The following PPP2R2B variants were observed in gnomAD, a reference collection of about 807,000 sequenced individuals.
PPP2R2B encodes serine/threonine-protein phosphatase 2A 55 kDa regulatory subunit B beta isoform.
A neutral mutation model predicts 46.0 loss-of-function variants in PPP2R2B; 5 were observed. The observed-to-expected ratio is 0.11, with a 90% CI of 0.06 to 0.23. The LOEUF (loss-of-function observed/expected upper bound fraction) is 0.23. Among genes scored for constraint, PPP2R2B ranks in the 10% least tolerant of loss-of-function variants. PPP2R2B has a pLI of 1.00. For missense variants in PPP2R2B, 367 were observed against 575.0 expected (o/e 0.64, Z 3.70); for synonymous variants, 215 against 206.7 (o/e 1.04, Z -0.34).
intron 1 of PPP2R2B, among the ~76,000 whole-genome samples, chr5:147,038,646 T>C (rs1175595725): frequency 6.6e-6 from 1 of 152,232 alleles, no homozygotes; most frequent in Non-Finnish European, 1.5e-5. Flanking sequence ...TTTTGGATAC[T>C]TTCCCTATGC....
chr5:146,964,287 G>GA (rs1280132819), intron 1 of PPP2R2B, among the ~76,000 whole-genome samples: 2 of 151,996 alleles, frequency 1.3e-5, no homozygotes, highest in Non-Finnish European at 2.9e-5. Flanking sequence ...AGAAAAAAAT[G>GA]AAAAAACAGT....
intron 5 of PPP2R2B, among the ~76,000 whole-genome samples, chr5:146,655,432 C>T (rs1411733969): frequency 6.6e-6 from 1 of 151,296 alleles, no homozygotes; most frequent in Admixed American, 6.5e-5. Flanking sequence ...GACCATCCCA[C>T]CTCAAATCGC....
intron 1 of PPP2R2B, among the ~76,000 whole-genome samples, chr5:146,977,490 A>G (rs886484365): frequency 1.1e-4 from 16 of 151,996 alleles, no homozygotes; most frequent in African/African-American, 3.9e-4. Flanking sequence ...CCCATCATCT[A>G]CATTAGGTAT....
At chr5:146,693,541 T>C (rs1359066561) in intron 4 of PPP2R2B, among the ~76,000 whole-genome samples, 1 of 152,078 alleles carries the variant, frequency 6.6e-6, no homozygotes, top group Non-Finnish European at 1.5e-5. Flanking sequence ...AAGCAACAAA[T>C]AGGATTGCCA....
chr5:146,628,129 G>C (rs900380853), intron 7 of PPP2R2B, among the ~76,000 whole-genome samples: 6 of 152,066 alleles, frequency 3.9e-5, no homozygotes, highest in Non-Finnish European at 7.4e-5. Flanking sequence ...ATTTTTAGTA[G>C]AGACAGGGTT....
At chr5:146,982,381 T>C (rs1161127491) in intron 1 of PPP2R2B, among the ~76,000 whole-genome samples, 2 of 152,206 alleles carry the variant, frequency 1.3e-5, no homozygotes, top group South Asian at 2.1e-4. Flanking sequence ...TGATTTCTAA[T>C]GTAACTCCAT....
At chr5:146,656,891 C>G (rs749813802) in intron 5 of PPP2R2B, among the ~76,000 whole-genome samples, 5 of 152,194 alleles carry the variant, frequency 3.3e-5, no homozygotes, top group Admixed American at 1.3e-4. Context: ...TCTCTGCTCA[C>G]CCGCTTTGAG....
chr5:146,763,721 G>A (rs1219536466), intron 2 of PPP2R2B, among the ~76,000 whole-genome samples: 2 of 152,130 alleles, frequency 1.3e-5, no homozygotes, highest in African/African-American at 4.8e-5. Context: ...CCAAAAATGA[G>A]TTAAGACAAG....
chr5:147,002,414 A>G (rs546798322), intron 1 of PPP2R2B, among the ~76,000 whole-genome samples: 71 of 152,282 alleles, frequency 4.7e-4, no homozygotes, highest in Admixed American at 1.4e-3. Context: ...GATCCCTTCC[A>G]TCCCACAGGG....
At chr5:146,808,468 T>C (rs1325278478) in intron 2 of PPP2R2B, among the ~76,000 whole-genome samples, 1 of 152,180 alleles carries the variant, frequency 6.6e-6, no homozygotes, top group African/African-American at 2.4e-5. Flanking sequence ...TACTGTTAAA[T>C]GCACACATTT....
At chr5:147,035,022 CA>C in intron 1 of PPP2R2B, 5 of 441,842 alleles carry the variant, frequency 1.1e-5, no homozygotes, top group South Asian at 8.0e-5. Flanking sequence ...TCATGACAGC[CA>C]GATAAAACTT....
intron 2 of PPP2R2B, among the ~76,000 whole-genome samples, chr5:146,815,267 A>T (rs1380243508): frequency 6.6e-6 from 1 of 152,178 alleles, no homozygotes; most frequent in Non-Finnish European, 1.5e-5. Flanking sequence ...TGTTAACATC[A>T]TCACTGGTCT....
intron 1 of PPP2R2B, among the ~76,000 whole-genome samples, chr5:146,894,997 A>G (rs573327056): frequency 1.1e-4 from 16 of 152,330 alleles, no homozygotes; most frequent in Non-Finnish European, 2.2e-4. Flanking sequence ...GAATGCCTGA[A>G]TGAATCAAAT....
At chr5:147,081,262 A>G (rs1367640888) in exon 1 of PPP2R2B, 8 of 1,535,568 alleles carry the variant, frequency 5.2e-6, no homozygotes, top group Non-Finnish European at 7.0e-6. Flanking sequence ...CACACCAGGT[A>G]TCATCTCGTC....
rs73320028 is a variant in PPP2R2B at position 146,699,649 on chromosome 5, C to T, written c.168+1396G>A. ...CTCCGGTTCCTCTTTATCATCACTG[C>T]GAACTTAATTGGTTTTTTTTTTTTT... On this transcript the variant is annotated intron_variant, in intron 3 of 9. Coordinates refer to ENST00000394411, the MANE Select transcript of PPP2R2B (RefSeq NM_181675.4). 2.7e-3 allele frequency among the ~76,000 whole-genome samples: 376 copies of T among 140,822 alleles called. 4 individuals are homozygous for T. The highest frequency in any genetic ancestry group is 9.5e-3 in the African/African-American group (353 of 37,264). The allele number at this position is 140,822 out of a possible 152,430, so 92.4% of individuals were successfully genotyped here. A position where few individuals can be genotyped will look rare whatever the true frequency, so the allele number is the denominator to read the frequency against.
At chr5:146,755,418 T>C (rs904507623) in intron 2 of PPP2R2B, among the ~76,000 whole-genome samples, 1 of 152,238 alleles carries the variant, frequency 6.6e-6, no homozygotes, top group African/African-American at 2.4e-5. Context: ...AGCGGAGCTC[T>C]CCAACCTACT....
At chr5:146,945,832 C>T (rs751705739) in intron 1 of PPP2R2B, among the ~76,000 whole-genome samples, 1 of 152,108 alleles carries the variant, frequency 6.6e-6, no homozygotes, top group Non-Finnish European at 1.5e-5. Flanking sequence ...GCAAGAAGAA[C>T]CATTGTTTCC....
Position 146,588,230 on chromosome 5 carries a change from A to C in PPP2R2B, c.*1717T>G, listed in dbSNP as rs1005070939. The stretch of plus-strand genomic sequence containing the variant: ...CCATGCTCCCTCAATTCTGAGACGT[A>C]CTTTTTTACATTTTAATGTTCCTGA... On this transcript the variant is annotated 3_prime_UTR_variant, in exon 10 of 10. Transcript: ENST00000394411. 12 of 152,210 alleles carry C rather than the reference A, an allele frequency of 7.9e-5. No individual in the cohort carries two copies. The highest frequency in any genetic ancestry group is 2.9e-4 in the African/African-American group (12 of 41,454). The allele number at this position is 152,210 out of a possible 1,614,324, so 9.4% of individuals were successfully genotyped here. A position where few individuals can be genotyped will look rare whatever the true frequency, so the allele number is the denominator to read the frequency against.
intron 1 of PPP2R2B, among the ~76,000 whole-genome samples, chr5:147,039,515 A>C (rs1756196473): frequency 6.6e-6 from 1 of 152,152 alleles, no homozygotes; most frequent in Admixed American, 6.6e-5. Flanking sequence ...ATTAGAGTAC[A>C]AGATGGGAAA....
Sources: allele counts gnomAD v4.1 joint callset (sites outside exome capture counted in the v4.1 genomes callset), GRCh38; gene constraint gnomAD v4.1.1; transcripts MANE v1.5; gene names NCBI Gene and HGNC (gene_info 2026-07-23, HGNC 2026-07-21).